Variants in TLL1 observed in about 807,000 individuals in gnomAD.
TLL1 encodes the protein tolloid like 1.
TLL1 carries 49 observed loss-of-function variants against 128.2 expected under a neutral mutation model. The observed-to-expected ratio is 0.38, with a 90% CI of 0.30 to 0.48. The LOEUF (loss-of-function observed/expected upper bound fraction) is 0.48, where lower values mean the gene tolerates loss of function less well. TLL1 is among the 20% of genes least tolerant of loss of function. The pLI is 0.96. For synonymous variants in TLL1, 454 were observed against 418.8 expected (o/e 1.08, Z -1.03); for missense variants, 1,123 against 1,242.0 (o/e 0.90, Z 1.44).
intron 17 of TLL1, 76 bp downstream of exon 17, chr4:166,075,079 G>C: frequency 6.3e-7 from 1 of 1,586,870 alleles, no homozygotes; most frequent in Non-Finnish European, 8.6e-7. Flanking sequence ...CTTCCAAGTA[G>C]AGTTAATCAT....
At chr4:166,062,170 CT>C (rs1740347656) in intron 15 of TLL1, among the ~76,000 whole-genome samples, 1 of 152,118 alleles carries the variant, frequency 6.6e-6, no homozygotes, top group South Asian at 2.1e-4. Flanking sequence ...CAGCTTTGTT[CT>C]TTTGGCTTAG....
chr4:165,946,506 T>A (rs1734256831), intron 1 of TLL1, among the ~76,000 whole-genome samples: 1 of 150,170 alleles, frequency 6.7e-6, no homozygotes, highest in African/African-American at 2.5e-5. Flanking sequence ...CTAATTTTTT[T>A]TTTTTTTTTT....
At chr4:165,889,087 T>A (rs894728685) in intron 1 of TLL1, among the ~76,000 whole-genome samples, 12 of 152,194 alleles carry the variant, frequency 7.9e-5, no homozygotes, top group African/African-American at 2.9e-4. Context: ...ATCTAGCATA[T>A]TGAGTTATGC....
rs1182421828 is a variant in TLL1 at position 166,101,712 on chromosome 4, G to A, written c.*836G>A. 1 of 152,430 alleles carries A rather than the reference G, an allele frequency of 6.6e-6. No homozygotes were observed. Among genetic ancestry groups the A allele is most frequent in the African/African-American group, 2.4e-5 (1 of 41,424 alleles). The allele number at this position is 152,430 out of a possible 1,614,324, so 9.4% of individuals were successfully genotyped here. ...GAAAACTCCGAAGAGGTGTGAGCAG[G>A]ATTCTTCTGAATGACTGTCTGGATG... On this transcript the variant is annotated 3_prime_UTR_variant, in exon 21 of 21. Coordinates refer to ENST00000061240, the MANE Select transcript of TLL1 (RefSeq NM_012464.5).
chr4:166,026,667 A>G (rs1443775838), intron 9 of TLL1, among the ~76,000 whole-genome samples: 4 of 152,096 alleles, frequency 2.6e-5, no homozygotes, highest in Admixed American at 2.6e-4. Context: ...AGCCTGGACG[A>G]TAAGAGCGAA....
intron 10 of TLL1, among the ~76,000 whole-genome samples, chr4:166,040,066 C>T (rs1480818724): frequency 6.6e-6 from 1 of 152,176 alleles, no homozygotes; most frequent in Non-Finnish European, 1.5e-5. Context: ...CTTGCATAGG[C>T]AGTTTACTGT....
chr4:165,995,638 T>C (rs1159895194), intron 5 of TLL1, among the ~76,000 whole-genome samples: 1 of 152,240 alleles, frequency 6.6e-6, no homozygotes, highest in Non-Finnish European at 1.5e-5. Flanking sequence ...GATAGTTCCA[T>C]AAATTTTTAG....
chr4:165,999,913 T>G (rs1737072211), intron 5 of TLL1, among the ~76,000 whole-genome samples: 1 of 152,226 alleles, frequency 6.6e-6, no homozygotes, highest in Admixed American at 6.5e-5. Context: ...TCATGGATAA[T>G]CTAATAGATT....
Position 166,025,359 on chromosome 4 carries a change from T to G in TLL1, c.1086T>G (p.Ser362=). ...AAGAATCCAATGGCAACCTTTCCTCTCCAGGATTTCCCAATGGCTACCCTT... is the reference window on the plus strand; with the variant it reads ...AAGAATCCAATGGCAACCTTTCCTCGCCAGGATTTCCCAATGGCTACCCTT... The part of the protein sequence containing the change: ...TLQESNGNLS[S]PGFPNGYPSY... The change falls in exon 9 of 21, where the codon TCT becomes TCG. Residue 362 remains serine, a synonymous_variant. Transcript: ENST00000061240. 1 of 1,613,990 alleles carries G rather than the reference T, an allele frequency of 6.2e-7. No individual in the cohort carries two copies. The highest frequency in any genetic ancestry group is 8.5e-7 in the Non-Finnish European group (1 of 1,179,914).
intron 20 of TLL1, among the ~76,000 whole-genome samples, chr4:166,099,745 G>A (rs1035735400): frequency 3.3e-5 from 5 of 151,692 alleles, no homozygotes; most frequent in Admixed American, 1.3e-4. Context: ...AGGTGAAACC[G>A]ATGAAATCAG....
chr4:166,038,431 G>A (rs148531144), intron 9 of TLL1, among the ~76,000 whole-genome samples: 10 of 151,862 alleles, frequency 6.6e-5, no homozygotes, highest in African/African-American at 2.2e-4. Context: ...GGCTTACTAT[G>A]AGCCTTAAGC....
intron 1 of TLL1, among the ~76,000 whole-genome samples, chr4:165,945,252 G>T (rs962035740): frequency 1.3e-5 from 2 of 151,534 alleles, no homozygotes; most frequent in African/African-American, 2.4e-5. Flanking sequence ...AATTGAGTAG[G>T]ATTTATTAAG....
chr4:166,077,556 G>A (rs1741091190), intron 17 of TLL1, among the ~76,000 whole-genome samples: 1 of 152,128 alleles, frequency 6.6e-6, no homozygotes, highest in African/African-American at 2.4e-5. Flanking sequence ...TGTGACATTG[G>A]ATTAAATACA....
intron 1 of TLL1, among the ~76,000 whole-genome samples, chr4:165,952,754 C>A (rs1734585781): frequency 6.6e-6 from 1 of 152,006 alleles, no homozygotes; most frequent in African/African-American, 2.4e-5. Flanking sequence ...CATTATATTT[C>A]ATATTATTGG....
At chr4:166,090,919 A>C (rs952445703) in intron 18 of TLL1, among the ~76,000 whole-genome samples, 1 of 152,064 alleles carries the variant, frequency 6.6e-6, no homozygotes, top group African/African-American at 2.4e-5. Flanking sequence ...GTGGAATTTC[A>C]TATGAAGTTA....
At chr4:165,919,212 C>A (rs774529677) in intron 1 of TLL1, among the ~76,000 whole-genome samples, 3 of 151,232 alleles carry the variant, frequency 2.0e-5, no homozygotes, top group Non-Finnish European at 4.4e-5. Flanking sequence ...GGAGACCCCA[C>A]CTCTACAAAA....
chr4:166,004,867 T>C (rs549989888), intron 6 of TLL1, among the ~76,000 whole-genome samples: 50 of 152,068 alleles, frequency 3.3e-4, no homozygotes, highest in Admixed American at 7.2e-4. Flanking sequence ...ATTAAAGGAT[T>C]ATAAGCAGGA....
chr4:166,056,030 T>C (rs1005866274), intron 13 of TLL1, among the ~76,000 whole-genome samples: 5 of 152,090 alleles, frequency 3.3e-5, no homozygotes, highest in Non-Finnish European at 7.4e-5. Flanking sequence ...GTGATAGATA[T>C]GTAAATATTG....
chr4:165,941,335 G>T (rs1193049969), intron 1 of TLL1, among the ~76,000 whole-genome samples: 1 of 152,082 alleles, frequency 6.6e-6, no homozygotes, highest in East Asian at 1.9e-4. Context: ...AATTGAACTT[G>T]TCGTAATGAT....
Sources: gnomAD v4.1 joint callset for allele counts (sites outside exome capture counted in the v4.1 genomes callset) on GRCh38, gnomAD v4.1.1 for gene constraint, MANE v1.5 for transcripts, NCBI Gene and HGNC (gene_info 2026-07-23, HGNC 2026-07-21) for gene names.